Variants in PALS2 observed in about 807,000 individuals in gnomAD.
PALS2 encodes the protein protein PALS2.
Under a neutral mutation model 61.6 loss-of-function variants are expected in PALS2, and 27 were observed. That is an observed-to-expected ratio of 0.44 (90% confidence interval 0.32 to 0.60). The LOEUF is 0.60. Among genes scored for constraint, PALS2 ranks in the 20% least tolerant of loss-of-function variants. PALS2 has a pLI of 0.05. For synonymous variants in PALS2, 236 were observed against 218.6 expected, an observed-to-expected ratio of 1.08 and a Z score of -0.70; for missense variants, 554 against 639.4, an observed-to-expected ratio of 0.87 and a Z score of 1.44.
intron 3 of PALS2, among the ~76,000 whole-genome samples, chr7:24,648,348 A>G (rs1229498145): frequency 1.4e-5 from 2 of 146,586 alleles, no homozygotes; most frequent in Non-Finnish European, 3.0e-5. Context: ...GCTGGAGTAC[A>G]ATGGTGCAAT....
chr7:24,626,742 C>T (rs1784761887), intron 2 of PALS2, among the ~76,000 whole-genome samples: 1 of 151,994 alleles, frequency 6.6e-6, no homozygotes, highest in African/African-American at 2.4e-5. Context: ...TCTGATAAAA[C>T]AGACGTTAAA....
At position 24,618,526 on chromosome 7, in the gene PALS2, C is replaced by T. The variant is rs1336257244; in HGVS notation, c.-2-5140C>T. Among the ~76,000 whole-genome samples, 1 of 152,218 alleles carries T rather than the reference C, an allele frequency of 6.6e-6. No homozygotes were observed. The highest frequency in any genetic ancestry group is 1.5e-5 in the Non-Finnish European group (1 of 68,036). ...AGGGAGTAAGTGCAGATCTTGTGCT[C>T]CCAGTCTGGGGGAATACAGCTGTGT... On this transcript the variant is annotated intron_variant, in intron 1 of 11. Transcript: ENST00000222644. This position sits in a 1 kb window ranked among gnomAD's most constrained non-coding sequence, Gnocchi z 5.1.
At chr7:24,624,086 T>C in intron 2 of PALS2, 1 of 1,329,350 alleles carries the variant, frequency 7.5e-7, no homozygotes, top group Non-Finnish European at 1.0e-6. Context: ...ATCCTGATCC[T>C]ATTTCCATTT....
rs70942878 is a variant in PALS2 at position 24,691,405 on chromosome 7, GTATATATATATATATATATATATATATA to G, written c.*3804_*3831del. 209 of 110,598 alleles carry G rather than the reference GTATATATATATATATATATATATATATA, an allele frequency of 1.9e-3. 1 individual carries two copies. The highest frequency in any genetic ancestry group is 3.4e-3 in the Non-Finnish European group (176 of 52,296). 6.9% of individuals were successfully genotyped at this position (110,598 alleles called of 1,614,324 possible). On this transcript the variant is annotated 3_prime_UTR_variant, in exon 12 of 12. Coordinates refer to ENST00000222644, the MANE Select transcript of PALS2 (RefSeq NM_001303037.2). Reference sequence around the variant, plus strand: ...ATATTATGTATGTGTGTGTGTGTGTGTATATATATATATATATATATATATATATATATATATATACAGCTATGTGTAT... The same window carrying G: ...ATATTATGTATGTGTGTGTGTGTGTGTATATATATATACAGCTATGTGTAT...
At chr7:24,577,757 A>G (rs548056324) in intron 1 of PALS2, among the ~76,000 whole-genome samples, 7 of 152,200 alleles carry the variant, frequency 4.6e-5, no homozygotes, top group African/African-American at 1.4e-4. Flanking sequence ...CTTTTCAGAC[A>G]AGCATTGCTA....
intron 9 of PALS2, among the ~76,000 whole-genome samples, chr7:24,673,929 G>A (rs1383415620): frequency 1.3e-5 from 2 of 151,742 alleles, no homozygotes; most frequent in African/African-American, 4.8e-5. Context: ...TAAGCACTTA[G>A]TTGCATCTTA....
intron 2 of PALS2, among the ~76,000 whole-genome samples, chr7:24,640,930 C>T (rs954832531): frequency 1.3e-5 from 2 of 150,068 alleles, no homozygotes; most frequent in African/African-American, 4.9e-5. Context: ...ATGGCGTGAA[C>T]CCGGGAGGCG....
At chr7:24,588,996 T>C (rs1366304456) in intron 1 of PALS2, 1 of 152,184 alleles carries the variant, frequency 6.6e-6, no homozygotes, top group African/African-American at 2.4e-5. Flanking sequence ...ACAACTACAC[T>C]GTACAATAAA....
At chr7:24,673,080 T>C (rs1787382491) in intron 9 of PALS2, among the ~76,000 whole-genome samples, 3 of 152,244 alleles carry the variant, frequency 2.0e-5, no homozygotes, top group Admixed American at 1.3e-4. Flanking sequence ...AGTTCCCTTC[T>C]GTTCCTGCTT....
At chr7:24,633,134 A>T (rs1583909858) in intron 2 of PALS2, among the ~76,000 whole-genome samples, 1 of 152,026 alleles carries the variant, frequency 6.6e-6, no homozygotes, top group Non-Finnish European at 1.5e-5. Context: ...AAAATAAAAG[A>T]TTTTATTTTA....
At chr7:24,668,863 T>C (rs989736527) in intron 9 of PALS2, among the ~76,000 whole-genome samples, 4 of 152,262 alleles carry the variant, frequency 2.6e-5, no homozygotes, top group Admixed American at 2.6e-4. Context: ...GTTGGCTTGC[T>C]GTCTGGTGGC....
At position 24,641,645 on chromosome 7, in the gene PALS2, AAG is replaced by A. The variant is rs1785557797; in HGVS notation, c.118-69_118-68del. 1.9e-5 allele frequency: 25 copies of A among 1,341,942 alleles called. No individual in the cohort carries two copies. The South Asian group carries it at 3.6e-4, about 19-fold the overall frequency. 83.1% of individuals were successfully genotyped at this position (1,341,942 alleles called of 1,614,324 possible). A position where few individuals can be genotyped will look rare whatever the true frequency, so the allele number is the denominator to read the frequency against. On this transcript the variant is annotated intron_variant, in intron 2 of 11. Coordinates refer to ENST00000222644, the MANE Select transcript of PALS2 (RefSeq NM_001303037.2). ...TAATATATTTTAAAACTTTACGAAA[AAG>A]AAATAAACCATGGTCTGGTGCAAAT...
Position 24,649,722 on chromosome 7 carries a change from C to T in PALS2, c.381C>T (p.Ala127=). 6.2e-7 allele frequency: 1 copy of T among 1,610,036 alleles called. No homozygotes were observed. Among genetic ancestry groups the T allele is most frequent in the South Asian group, 1.1e-5 (1 of 90,374 alleles). Residue 127 remains alanine, a synonymous_variant, in exon 4 of 12, where the codon GCC becomes GCT. Coordinates refer to ENST00000222644, the MANE Select transcript of PALS2 (RefSeq NM_001303037.2). ...SINNQLLPVD[A]IRILGIHKRA... is the part of the protein sequence containing the mutation. Reference sequence around the variant, plus strand: ...ATAATCAGTTATTACCAGTAGATGCCATTCGTATTCTTGGTATTCACAAAA... The same window carrying T: ...ATAATCAGTTATTACCAGTAGATGCTATTCGTATTCTTGGTATTCACAAAA...
At chr7:24,594,503 C>T (rs1365100610) in intron 1 of PALS2, among the ~76,000 whole-genome samples, 2 of 152,072 alleles carry the variant, frequency 1.3e-5, no homozygotes, top group African/African-American at 2.4e-5. Context: ...AAGTGAGAGA[C>T]TTGCTCCTCT....
At chr7:24,649,983 T>C (rs1461820890) in intron 4 of PALS2, among the ~76,000 whole-genome samples, 2 of 152,062 alleles carry the variant, frequency 1.3e-5, no homozygotes, top group Non-Finnish European at 2.9e-5. Context: ...AGTAGAAATA[T>C]GGCAAGGGGT....
intron 5 of PALS2, among the ~76,000 whole-genome samples, chr7:24,657,083 A>G (rs1397772939): frequency 1.3e-5 from 2 of 152,050 alleles, no homozygotes; most frequent in African/African-American, 2.4e-5. Flanking sequence ...ATTTCTTTTT[A>G]TTGACAAGTG....
intron 1 of PALS2, among the ~76,000 whole-genome samples, chr7:24,609,385 A>G (rs1337274899): frequency 6.6e-6 from 1 of 152,124 alleles, no homozygotes; most frequent in African/African-American, 2.4e-5. Context: ...CCCTTAAAAT[A>G]ACTAAATTAA....
intron 1 of PALS2, among the ~76,000 whole-genome samples, chr7:24,577,179 T>G (rs1782672027): frequency 6.6e-6 from 1 of 152,030 alleles, no homozygotes; most frequent in East Asian, 1.9e-4. Flanking sequence ...CAGAACAAAA[T>G]TAGTTTCTAT....
intron 5 of PALS2, among the ~76,000 whole-genome samples, chr7:24,653,718 A>G (rs1476039329): frequency 2.0e-5 from 3 of 152,228 alleles, no homozygotes; most frequent in African/African-American, 7.2e-5. Context: ...AAGAAAGTAG[A>G]AATAGGCAAT....
Sources: gnomAD v4.1 joint callset for allele counts (sites outside exome capture counted in the v4.1 genomes callset) on GRCh38, gnomAD v4.1.1 for gene constraint, Gnocchi (gnomAD v3.1) non-coding constraint, MANE v1.5 for transcripts, NCBI Gene and HGNC (gene_info 2026-07-23, HGNC 2026-07-21) for gene names.